The following GIPC1 variants were observed in gnomAD, a reference collection of about 807,000 sequenced individuals.
The protein encoded by GIPC1 is GIPC PDZ domain containing family member 1, also known as PDZ domain-containing protein GIPC1.
In GIPC1, 15 loss-of-function variants were observed where a neutral mutation model predicts 28.5. The observed-to-expected ratio is 0.53, with a 90% CI of 0.35 to 0.81. The LOEUF (loss-of-function observed/expected upper bound fraction) is 0.81. Among genes scored for constraint, GIPC1 ranks in the 30% least tolerant of loss-of-function variants. The probability of loss-of-function intolerance (pLI) is 0.01; values close to 1 mark genes in which losing one functional copy is unlikely to be tolerated. For missense variants in GIPC1, 439 were observed against 481.9 expected, an observed-to-expected ratio of 0.91 and a Z score of 0.83; for synonymous variants, 224 against 206.1, an observed-to-expected ratio of 1.09 and a Z score of -0.74.
intron 1 of GIPC1, among the ~76,000 whole-genome samples, chr19:14,495,059 C>T (rs1189325563): frequency 6.6e-6 from 1 of 151,832 alleles, no homozygotes; most frequent in Non-Finnish European, 1.5e-5. Context: ...CTCTGATTCA[C>T]TCTTGAAAAA....
intron 4 of GIPC1, 185 bp from the exon 5 acceptor site, chr19:14,480,963 A>T (rs538701950): frequency 3.8e-4 from 222 of 578,938 alleles, no homozygotes; most frequent in Non-Finnish European, 5.8e-4. Context: ...TGCTAGGACT[A>T]GGATTTAGTT....
At chr19:14,482,400 C>G (rs1259534542) in intron 4 of GIPC1, 2 of 539,096 alleles carry the variant, frequency 3.7e-6, no homozygotes, top group African/African-American at 3.8e-5. Flanking sequence ...CAGCATGCAG[C>G]CCTGGCCATC....
chr19:14,480,262 T>A (rs760701164), intron 6 of GIPC1, 43 bp downstream of exon 6: 8 of 1,556,830 alleles, frequency 5.1e-6, no homozygotes, highest in Non-Finnish European at 6.2e-6. Flanking sequence ...CCTGCGCCCA[T>A]GCGAGCAGCG....
At position 14,480,324 on chromosome 19, in the gene GIPC1, C is replaced by G; in HGVS notation, c.636G>C (p.Thr212=). 1 of 1,611,268 alleles carries G rather than the reference C, an allele frequency of 6.2e-7. No individual in the cohort carries two copies. Among genetic ancestry groups the G allele is most frequent in the Non-Finnish European group, 8.5e-7 (1 of 1,179,810 alleles). ...PRGRTFTLKL[T]EPRKAFDMIS... The stretch of plus-strand genomic sequence containing the variant: ...CCTCACCGAAGGCCTTGCGAGGCTC[C>G]GTGAGCTTCAGCGTGAAGGTACGGC... The change falls in exon 6 of 9, where the codon ACG becomes ACC. Residue 212 remains threonine (T), a synonymous_variant. Transcript: ENST00000393033.
At chr19:14,485,700 TATAG>T (rs1195053175) in intron 3 of GIPC1, among the ~76,000 whole-genome samples, 46 of 68,818 alleles carry the variant, frequency 6.7e-4, no homozygotes, top group Admixed American at 4.0e-3. Context: ...TATATATATA[TATAG>T]AGAGAGAGAG....
chr19:14,490,410 G>A (rs1228385601), intron 3 of GIPC1, among the ~76,000 whole-genome samples: 2 of 151,788 alleles, frequency 1.3e-5, no homozygotes, highest in African/African-American at 2.4e-5. Context: ...AGGAACGGTG[G>A]TTCACGCCTG....
intron 3 of GIPC1, among the ~76,000 whole-genome samples, chr19:14,490,233 G>C (rs777032761): frequency 6.6e-6 from 1 of 152,012 alleles, no homozygotes; most frequent in Non-Finnish European, 1.5e-5. Context: ...AGGCACGGTG[G>C]TGGGCACCTG....
At chr19:14,494,389 G>A (rs972872000) in intron 1 of GIPC1, among the ~76,000 whole-genome samples, 4 of 104 alleles carry the variant, frequency 0.038, no homozygotes, top group African/African-American at 0.083. Flanking sequence ...ACCGCGCCCG[G>A]GCCCCCTTGC....
intron 3 of GIPC1, among the ~76,000 whole-genome samples, chr19:14,484,524 T>A (rs2071796531): frequency 6.7e-6 from 1 of 150,074 alleles, no homozygotes; most frequent in Admixed American, 6.7e-5. Context: ...GGCGGGTGGA[T>A]CACGAGGTCA....
intron 3 of GIPC1, among the ~76,000 whole-genome samples, chr19:14,485,686 T>TAA: frequency 1.9e-5 from 1 of 51,914 alleles, no homozygotes; most frequent in African/African-American, 7.5e-5. Context: ...AATAAACAAA[T>TAA]ATATATATAT....
chr19:14,496,051 C>T lies in GIPC1; in HGVS notation c.-189G>A, dbSNP rs1173552998. 7.8e-5 allele frequency: 19 copies of T among 244,064 alleles called. No individual in the cohort carries two copies. Among genetic ancestry groups the T allele is most frequent in the Admixed American group, 1.1e-4 (2 of 17,844 alleles). The allele number at this position is 244,064 out of a possible 1,614,324, so 15.1% of individuals were successfully genotyped here. A position where few individuals can be genotyped will look rare whatever the true frequency, so the allele number is the denominator to read the frequency against. ...AGGCCACTCACCTGCTCCGCCGCCG[C>T]CGCCGCCGCCGCCGCCGCCGCCGCT... On this transcript the variant is annotated 5_prime_UTR_variant, in exon 1 of 9. Transcript: ENST00000393033.
chr19:14,495,394 G>A (rs2072054833), intron 1 of GIPC1, among the ~76,000 whole-genome samples: 1 of 152,090 alleles, frequency 6.6e-6, no homozygotes, highest in Non-Finnish European at 1.5e-5. Context: ...AGTCTAGTGG[G>A]TGTGACTCCA....
chr19:14,491,264 CT>C (rs201761180), intron 3 of GIPC1, among the ~76,000 whole-genome samples: 92 of 145,506 alleles, frequency 6.3e-4, no homozygotes, highest in Middle Eastern at 3.6e-3. Context: ...CGCATCCAAT[CT>C]TTTTTTTTTT....
rs187836331 is a variant in GIPC1 at position 14,496,045 on chromosome 19, C to T, written c.-183G>A. The T allele has an allele frequency of 8.4e-4, 139 of 165,502 alleles. No individual in the cohort carries two copies. Among genetic ancestry groups the T allele is most frequent in the African/African-American group, 4.8e-3 (97 of 20,154 alleles). The allele number at this position is 165,502 out of a possible 1,614,324, so 10.3% of individuals were successfully genotyped here. Reference sequence around the variant, plus strand: ...TCGCAGAGGCCACTCACCTGCTCCGCCGCCGCCGCCGCCGCCGCCGCCGCC... The same window carrying T: ...TCGCAGAGGCCACTCACCTGCTCCGTCGCCGCCGCCGCCGCCGCCGCCGCC... On this transcript the variant is annotated 5_prime_UTR_variant, in exon 1 of 9. Transcript: ENST00000393033.
intron 1 of GIPC1, among the ~76,000 whole-genome samples, chr19:14,495,331 G>C (rs114768203): frequency 0.02 from 2,795 of 138,088 alleles, 80 homozygotes; most frequent in African/African-American, 0.064. Context: ...GGTGGGAGGG[G>C]TAGGGGGCCG....
chr19:14,488,198 C>T (rs1330039711), intron 3 of GIPC1, among the ~76,000 whole-genome samples: 3 of 152,160 alleles, frequency 2.0e-5, no homozygotes, highest in Admixed American at 6.6e-5. Context: ...AGCCTGTAAT[C>T]CCAGCACTTT....
At chr19:14,487,685 C>CTTT (rs34048955) in intron 3 of GIPC1, among the ~76,000 whole-genome samples, 17 of 130,454 alleles carry the variant, frequency 1.3e-4, no homozygotes, top group African/African-American at 5.2e-4. Context: ...CTTTATTTTC[C>CTTT]TTTTTTTTTT....
In GIPC1 at chr19:14,478,916, A is replaced by C; in HGVS notation, c.769-151T>G. ...TGGTATCGGTGTTCAGCTCATCCCC[A>C]TTTTACTGATGGGCAAACTGCGGCC... On this transcript the variant is annotated intron_variant, in intron 7 of 8. Coordinates refer to ENST00000393033, the MANE Select transcript of GIPC1 (RefSeq NM_005716.4). The surrounding 1 kb of genome is among the most constrained non-coding windows in gnomAD (Gnocchi z 5.2). 1 of 694,252 alleles carries C rather than the reference A, an allele frequency of 1.4e-6. No homozygotes were observed. The highest frequency in any genetic ancestry group is 1.8e-5 in the African/African-American group (1 of 56,526). 43.0% of individuals were successfully genotyped at this position (694,252 alleles called of 1,614,324 possible). A position where few individuals can be genotyped will look rare whatever the true frequency, so the allele number is the denominator to read the frequency against.
In GIPC1 at chr19:14,482,875, A is replaced by G. The variant is rs1306309889; in HGVS notation, c.102T>C (p.Pro34=). 6.3e-7 allele frequency: 1 copy of G among 1,583,840 alleles called. No individual in the cohort carries two copies. Among genetic ancestry groups the G allele is most frequent in the South Asian group, 1.1e-5 (1 of 88,310 alleles). The change falls in exon 4 of 9, where the codon CCT becomes CCC. Residue 34 remains proline (P), a synonymous_variant. Coordinates refer to ENST00000393033, the MANE Select transcript of GIPC1 (RefSeq NM_005716.4). The part of the protein sequence containing the change: ...RGGLGVGEPG[P]LGGGGSGGPQ... ...GGCCCCCCGACCCACCTCCGCCCAGAGGCCCTGGCTCCCCCACGCCCAGCC... is the reference window on the plus strand; with the variant it reads ...GGCCCCCCGACCCACCTCCGCCCAGGGGCCCTGGCTCCCCCACGCCCAGCC...
Sources: allele counts gnomAD v4.1 joint callset (sites outside exome capture counted in the v4.1 genomes callset), GRCh38; gene constraint gnomAD v4.1.1; non-coding constraint Gnocchi (gnomAD v3.1); transcripts MANE v1.5; gene names NCBI Gene and HGNC (gene_info 2026-07-23, HGNC 2026-07-21).